Variants in PLPP1 observed in about 807,000 individuals in gnomAD.
PLPP1 encodes the protein phospholipid phosphatase 1, also known as lipid phosphate phosphohydrolase 1a.
In PLPP1, 24 loss-of-function variants were observed where a neutral mutation model predicts 31.2. That is an observed-to-expected ratio of 0.77 (90% CI 0.56 to 1.08). The LOEUF (loss-of-function observed/expected upper bound fraction) is 1.08. PLPP1 is among the 50% of genes least tolerant of loss of function. PLPP1 has a pLI of 0.00. For missense variants in PLPP1, 319 were observed against 342.7 expected, an observed-to-expected ratio of 0.93 and a Z score of 0.55; for synonymous variants, 146 against 126.3, an observed-to-expected ratio of 1.16 and a Z score of -1.05.
At chr5:55,453,808 G>A (rs1172808884) in intron 3 of PLPP1, among the ~76,000 whole-genome samples, 1 of 152,074 alleles carries the variant, frequency 6.6e-6, no homozygotes, top group African/African-American at 2.4e-5. Context: ...GGGTGCAGTG[G>A]CACACACCTA....
chr5:55,482,372 A>AG (rs1234311452), intron 1 of PLPP1, among the ~76,000 whole-genome samples: 1 of 152,052 alleles, frequency 6.6e-6, no homozygotes, highest in Non-Finnish European at 1.5e-5. Flanking sequence ...TCATGGTAGT[A>AG]GTCATTATCA....
intron 4 of PLPP1, among the ~76,000 whole-genome samples, chr5:55,427,735 C>T (rs1401149045): frequency 6.8e-6 from 1 of 147,556 alleles, no homozygotes; most frequent in Non-Finnish European, 1.5e-5. Flanking sequence ...TTAACATTTA[C>T]TTAACATTAT....
intron 4 of PLPP1, among the ~76,000 whole-genome samples, chr5:55,431,677 AAAT>A (rs1010107737): frequency 5.4e-4 from 82 of 152,336 alleles, no homozygotes; most frequent in African/African-American, 1.8e-3. Context: ...GATTTCAAGT[AAAT>A]AATCTAACAA....
chr5:55,534,687 A>G lies in PLPP1; in HGVS notation c.-58T>C. The G allele has an allele frequency of 6.7e-7, 1 of 1,494,164 alleles. No individual in the cohort carries two copies. Among genetic ancestry groups the G allele is most frequent in the Non-Finnish European group, 9.0e-7 (1 of 1,117,106 alleles). The allele number at this position is 1,494,164 out of a possible 1,614,324, so 92.6% of individuals were successfully genotyped here. On this transcript the variant is annotated 5_prime_UTR_variant, in exon 1 of 6. Coordinates refer to ENST00000307259, the MANE Select transcript of PLPP1 (RefSeq NM_003711.4). Reference sequence around the variant, plus strand: ...GGACTGAGCTGCGGGACGGCGGCCGAGGCCCTTGATTCTCGAGCCCGGGCC... The same window carrying G: ...GGACTGAGCTGCGGGACGGCGGCCGGGGCCCTTGATTCTCGAGCCCGGGCC...
At position 55,465,383 on chromosome 5, in the gene PLPP1, T is replaced by C. The variant is rs1752266869; in HGVS notation, c.491+2486A>G. Among the ~76,000 whole-genome samples the C allele has an allele frequency of 2.6e-5, 4 of 152,126 alleles. No individual in the cohort carries two copies. In the South Asian group the frequency reaches 8.3e-4, roughly 32 times the overall value. On this transcript the variant is annotated intron_variant, in intron 3 of 5. Coordinates refer to ENST00000307259, the MANE Select transcript of PLPP1 (RefSeq NM_003711.4). ...GGTTTTATCATTGCATTCATAAATA[T>C]GTATGGTATTTTTTAAAGGTTATAT...
intron 1 of PLPP1, among the ~76,000 whole-genome samples, chr5:55,488,203 C>T (rs1255240952): frequency 2.7e-5 from 4 of 149,642 alleles, no homozygotes; most frequent in Non-Finnish European, 4.4e-5. Context: ...TCTTTTTCCA[C>T]TCCTTAAAAA....
At chr5:55,453,797 C>T (rs555272161) in intron 3 of PLPP1, among the ~76,000 whole-genome samples, 60 of 152,118 alleles carry the variant, frequency 3.9e-4, no homozygotes, top group African/African-American at 1.3e-3. Context: ...AAAAATTAGC[C>T]GGGTGCAGTG....
At chr5:55,427,217 A>G (rs1181487996) in intron 4 of PLPP1, among the ~76,000 whole-genome samples, 2 of 152,236 alleles carry the variant, frequency 1.3e-5, no homozygotes, top group Admixed American at 6.5e-5. Flanking sequence ...TTAGAAAACA[A>G]TATACATAGC....
At chr5:55,450,632 C>T (rs1339845750) in intron 3 of PLPP1, among the ~76,000 whole-genome samples, 1 of 152,062 alleles carries the variant, frequency 6.6e-6, no homozygotes, top group African/African-American at 2.4e-5. Flanking sequence ...CAACTACTAA[C>T]CAGGGGAAGG....
intron 4 of PLPP1, among the ~76,000 whole-genome samples, chr5:55,429,949 A>G (rs1474289621): frequency 1.3e-5 from 2 of 151,970 alleles, no homozygotes; most frequent in Non-Finnish European, 2.9e-5. Flanking sequence ...CCACTGAGGG[A>G]CCTATCCAGC....
In PLPP1 at chr5:55,441,850, C is replaced by G; in HGVS notation, c.549+1G>C. On this transcript the variant is annotated splice_donor_variant, in intron 4 of 5. Coordinates refer to ENST00000307259, the MANE Select transcript of PLPP1 (RefSeq NM_003711.4). LOFTEE classifies it high-confidence loss of function. ...ACCGTCAACAGACACAAAGTACTTA[C>G]TGCCACAAACAGCATGCAGTACATG... 2 of 1,612,958 alleles carry G rather than the reference C, an allele frequency of 1.2e-6. No homozygotes were observed. Among genetic ancestry groups the G allele is most frequent in the South Asian group, 1.1e-5 (1 of 91,048 alleles).
intron 1 of PLPP1, among the ~76,000 whole-genome samples, chr5:55,519,937 T>C (rs1561255840): frequency 6.6e-6 from 1 of 152,152 alleles, no homozygotes; most frequent in Non-Finnish European, 1.5e-5. Context: ...GAATAAATTA[T>C]TCATCAAAAG....
intron 3 of PLPP1, among the ~76,000 whole-genome samples, chr5:55,467,657 A>G (rs1236630478): frequency 6.6e-6 from 1 of 152,132 alleles, no homozygotes; most frequent in Non-Finnish European, 1.5e-5. Flanking sequence ...GCGATGAAAA[A>G]AAGAGCTGCA....
At chr5:55,471,310 T>G (rs1246508882) in intron 2 of PLPP1, among the ~76,000 whole-genome samples, 1 of 151,898 alleles carries the variant, frequency 6.6e-6, no homozygotes, top group Non-Finnish European at 1.5e-5. Context: ...CAAGTGATTC[T>G]CCTGCTTCAG....
intron 4 of PLPP1, 25 bp downstream of exon 4, chr5:55,441,826 C>T (rs760519700): frequency 1.2e-6 from 2 of 1,604,926 alleles, no homozygotes; most frequent in South Asian, 2.2e-5. Flanking sequence ...CATAACCTAA[C>T]CGTCAACAGA....
intron 1 of PLPP1, among the ~76,000 whole-genome samples, chr5:55,519,057 G>C (rs1041800245): frequency 6.6e-6 from 1 of 151,982 alleles, no homozygotes; most frequent in African/African-American, 2.4e-5. Flanking sequence ...GGAAAGGGGG[G>C]AAATCCATAA....
At chr5:55,529,658 AT>A (rs1271068086) in intron 1 of PLPP1, among the ~76,000 whole-genome samples, 1 of 152,148 alleles carries the variant, frequency 6.6e-6, no homozygotes, top group Non-Finnish European at 1.5e-5. Flanking sequence ...TTATAGTTGA[AT>A]TTTTCAGCTA....
At chr5:55,457,621 G>T (rs992898036) in intron 3 of PLPP1, among the ~76,000 whole-genome samples, 7 of 151,914 alleles carry the variant, frequency 4.6e-5, no homozygotes, top group South Asian at 2.1e-4. Flanking sequence ...ATTTGCAAGG[G>T]GGCTCACGCC....
At chr5:55,520,222 T>C (rs1445626164) in intron 1 of PLPP1, among the ~76,000 whole-genome samples, 1 of 152,166 alleles carries the variant, frequency 6.6e-6, no homozygotes, top group Non-Finnish European at 1.5e-5. Context: ...AATCAAAAGA[T>C]CTGAGGTATC....
Sources: gnomAD v4.1 joint callset for allele counts (sites outside exome capture counted in the v4.1 genomes callset) on GRCh38, gnomAD v4.1.1 for gene constraint, MANE v1.5 for transcripts, NCBI Gene and HGNC (gene_info 2026-07-23, HGNC 2026-07-21) for gene names.